DCAF5: variants seen among roughly 807,000 people sequenced by gnomAD.
The protein encoded by DCAF5 is DDB1- and CUL4-associated factor 5.
DCAF5 carries 9 observed loss-of-function variants against 80.7 expected under a neutral mutation model. That is an observed-to-expected ratio of 0.11 (90% CI 0.07 to 0.19). The LOEUF is 0.19. Among genes scored for constraint, DCAF5 ranks in the 10% least tolerant of loss-of-function variants. DCAF5 has a pLI of 1.00. For synonymous variants in DCAF5, 433 were observed against 461.9 expected (o/e 0.94, Z 0.80); for missense variants, 842 against 1,205.7 (o/e 0.70, Z 4.47).
chr14:69,084,881 C>A (rs946774019), intron 6 of DCAF5: 2 of 1,290,404 alleles, frequency 1.5e-6, no homozygotes, highest in African/African-American at 2.9e-5. Flanking sequence ...TCAGTATGAC[C>A]CTCCGGATGA....
chr14:69,146,573 A>G (rs1017791928), intron 1 of DCAF5, among the ~76,000 whole-genome samples: 3 of 151,404 alleles, frequency 2.0e-5, no homozygotes, highest in African/African-American at 7.3e-5. Flanking sequence ...AAACCAGAGG[A>G]AAAAAAAATC....
intron 5 of DCAF5, among the ~76,000 whole-genome samples, chr14:69,097,842 G>T (rs2039786223): frequency 6.6e-6 from 1 of 151,996 alleles, no homozygotes; most frequent in Admixed American, 6.6e-5. Context: ...CCCCGCCTCA[G>T]CCTCCCAAAG....
intron 5 of DCAF5, among the ~76,000 whole-genome samples, chr14:69,093,120 C>T (rs1163066394): frequency 1.3e-5 from 2 of 152,132 alleles, no homozygotes; most frequent in Non-Finnish European, 2.9e-5. Flanking sequence ...ATCTTTCAGG[C>T]AGTAAAGATC....
intron 2 of DCAF5, among the ~76,000 whole-genome samples, chr14:69,120,939 T>C (rs1053305423): frequency 6.6e-6 from 1 of 152,158 alleles, no homozygotes; most frequent in African/African-American, 2.4e-5. Flanking sequence ...AGGGTGAAAG[T>C]ACATGGAGAA....
chr14:69,131,963 G>A (rs2041052278), intron 1 of DCAF5, among the ~76,000 whole-genome samples: 1 of 152,054 alleles, frequency 6.6e-6, no homozygotes. Context: ...TGTAGTGTGT[G>A]TCAATTTCAT....
At chr14:69,070,006 T>G (rs897533535) in intron 7 of DCAF5, among the ~76,000 whole-genome samples, 2 of 152,214 alleles carry the variant, frequency 1.3e-5, no homozygotes, top group African/African-American at 4.8e-5. Context: ...TTATTGTTGT[T>G]GGTGGTGGTA....
At chr14:69,087,661 T>C (rs1381541139) in intron 6 of DCAF5, among the ~76,000 whole-genome samples, 1 of 152,188 alleles carries the variant, frequency 6.6e-6, no homozygotes, top group Non-Finnish European at 1.5e-5. Context: ...ATAAAGGGCT[T>C]TGAGTGCAAA....
In DCAF5 at chr14:69,062,571, C is replaced by CA. The variant is rs1158575642; in HGVS notation, c.947-61dup. ...GAAATGAATGAAAGTAAATAGGTTCCAGTAATGGCAGATAAACAGCTCTGA... is the reference window on the plus strand; with the variant it reads ...GAAATGAATGAAAGTAAATAGGTTCCAAGTAATGGCAGATAAACAGCTCTGA... On this transcript the variant is annotated intron_variant, in intron 7 of 8. Coordinates refer to ENST00000341516, the MANE Select transcript of DCAF5 (RefSeq NM_003861.3). The CA allele has an allele frequency of 3.2e-6, 5 of 1,586,870 alleles. No individual in the cohort carries two copies. The African/African-American group carries it at 6.7e-5, about 21-fold the overall frequency.
At chr14:69,074,389 C>A (rs1289724116) in intron 7 of DCAF5, among the ~76,000 whole-genome samples, 1 of 151,816 alleles carries the variant, frequency 6.6e-6, no homozygotes, top group Non-Finnish European at 1.5e-5. Flanking sequence ...AGAAACAAAC[C>A]ATCCTAAGAA....
intron 1 of DCAF5, among the ~76,000 whole-genome samples, chr14:69,151,436 G>C (rs994588008): frequency 3.9e-5 from 6 of 152,172 alleles, no homozygotes; most frequent in Non-Finnish European, 8.8e-5. Context: ...AGTTTCTGGC[G>C]AGCTGCTCAC....
At chr14:69,129,395 A>G (rs555247821) in intron 1 of DCAF5, among the ~76,000 whole-genome samples, 2 of 152,316 alleles carry the variant, frequency 1.3e-5, no homozygotes, top group Admixed American at 6.5e-5. Flanking sequence ...CAGAAAAACA[A>G]CCAGTACAAA....
intron 7 of DCAF5, among the ~76,000 whole-genome samples, chr14:69,066,419 G>A (rs2038444675): frequency 6.6e-6 from 1 of 152,156 alleles, no homozygotes; most frequent in South Asian, 2.1e-4. Context: ...ACAGGCATGA[G>A]CCACTGCACC....
rs1445609715 is a variant in DCAF5, at chr14:69,152,879, G to A, written c.100C>T (p.Gln34Ter). 1 of 1,614,002 alleles carries A rather than the reference G, an allele frequency of 6.2e-7. No homozygotes were observed. The highest frequency in any genetic ancestry group is 1.3e-5 in the African/African-American group (1 of 74,924). The change falls in exon 1 of 9, where the codon CAG becomes TAG. Residue 34 changes from glutamine to a stop codon, truncating the protein, a stop_gained. Transcript: ENST00000341516. LOFTEE classifies it high-confidence loss of function. The surrounding 1 kb of genome is among the most constrained non-coding windows in gnomAD (Gnocchi z 4.1). ...CTGCAGCCCCGCAGGCGTCTCCTCT[G>A]AAAGTCCTGAGTGAGCAGGGGGTCC... ...HGDPLLTQDFQRRRLRGCRNL... is the reference protein window; with the variant it reads ...HGDPLLTQDF
chr14:69,069,135 A>C (rs772386770), intron 7 of DCAF5, among the ~76,000 whole-genome samples: 2 of 152,246 alleles, frequency 1.3e-5, no homozygotes, highest in Non-Finnish European at 2.9e-5. Flanking sequence ...TAAGTCACTG[A>C]GAGTGAATAC....
intron 7 of DCAF5, among the ~76,000 whole-genome samples, chr14:69,072,588 ACT>A (rs1234839060): frequency 7.0e-6 from 1 of 143,580 alleles, no homozygotes; most frequent in Non-Finnish European, 1.5e-5. Flanking sequence ...TAGCCACTGC[ACT>A]CTAGCCTGGG....
chr14:69,152,723 A>C lies in DCAF5; in HGVS notation c.214+42T>G. The C allele has an allele frequency of 7.4e-7, 1 of 1,354,110 alleles. No homozygotes were observed. The highest frequency in any genetic ancestry group is 9.8e-7 in the Non-Finnish European group (1 of 1,024,076). The allele number at this position is 1,354,110 out of a possible 1,614,324, so 83.9% of individuals were successfully genotyped here. A position where few individuals can be genotyped will look rare whatever the true frequency, so the allele number is the denominator to read the frequency against. ...GGGAGAGCGAGAGGGGGAGGCTGGG[A>C]GGGTGCGGGGAGGCGCGGGGAGGGG... On this transcript the variant is annotated intron_variant, in intron 1 of 8. Coordinates refer to ENST00000341516, the MANE Select transcript of DCAF5 (RefSeq NM_003861.3). This position sits in a 1 kb window ranked among gnomAD's most constrained non-coding sequence, Gnocchi z 4.1.
intron 2 of DCAF5, among the ~76,000 whole-genome samples, chr14:69,121,536 T>A (rs1234253781): frequency 6.6e-6 from 1 of 152,180 alleles, no homozygotes; most frequent in East Asian, 1.9e-4. Flanking sequence ...GGGTGAATGG[T>A]TGTAACTGAG....
chr14:69,147,172 T>C (rs529697971), intron 1 of DCAF5, among the ~76,000 whole-genome samples: 1 of 152,242 alleles, frequency 6.6e-6, no homozygotes, highest in African/African-American at 2.4e-5. Flanking sequence ...ATAGCTATTA[T>C]TCAATGCTTA....
chr14:69,081,365 G>A (rs187127321), intron 6 of DCAF5, among the ~76,000 whole-genome samples: 1 of 152,326 alleles, frequency 6.6e-6, no homozygotes, highest in East Asian at 1.9e-4. Flanking sequence ...AACATGAGTT[G>A]TGTGGACACA....
Sources: allele counts gnomAD v4.1 joint callset (sites outside exome capture counted in the v4.1 genomes callset), GRCh38; gene constraint gnomAD v4.1.1; non-coding constraint Gnocchi (gnomAD v3.1); transcripts MANE v1.5; gene names NCBI Gene and HGNC (gene_info 2026-07-23, HGNC 2026-07-21).